The following NDST3 variants were observed in gnomAD, a reference collection of about 807,000 sequenced individuals.
The protein encoded by NDST3 is bifunctional heparan sulfate N-deacetylase/N-sulfotransferase 3.
NDST3 carries 58 observed loss-of-function variants against 96.1 expected under a neutral mutation model. The observed-to-expected ratio is 0.60, with a 90% CI of 0.49 to 0.75. The LOEUF is 0.75. Ranked by LOEUF, NDST3 falls within the 30% of genes least tolerant of loss-of-function variation. NDST3 has a pLI of 0.00. For missense variants in NDST3, 788 were observed against 1,034.2 expected (o/e 0.76, Z 3.27); for synonymous variants, 333 against 359.7 (o/e 0.93, Z 0.84).
At chr4:118,071,860 T>G (rs1238813576) in intron 2 of NDST3, among the ~76,000 whole-genome samples, 1 of 152,168 alleles carries the variant, frequency 6.6e-6, no homozygotes, top group Non-Finnish European at 1.5e-5. Context: ...CTGAACTAAT[T>G]CACATTCCCA....
At chr4:118,092,960 G>A (rs1452544309) in intron 2 of NDST3, among the ~76,000 whole-genome samples, 1 of 151,734 alleles carries the variant, frequency 6.6e-6, no homozygotes, top group Non-Finnish European at 1.5e-5. Context: ...GGTAATATTT[G>A]AGCAGAGACA....
chr4:118,050,698 A>G (rs1725027245), intron 1 of NDST3, among the ~76,000 whole-genome samples: 1 of 152,060 alleles, frequency 6.6e-6, no homozygotes, highest in Admixed American at 6.6e-5. Context: ...AGGAGAACTA[A>G]AAAACACTGA....
chr4:118,241,990 AC>A, intron 11 of NDST3, 49 bp from the exon 12 acceptor site: 1 of 1,329,358 alleles, frequency 7.5e-7, no homozygotes, highest in Non-Finnish European at 1.1e-6. Context: ...TTTTCATTAT[AC>A]AGTTTACATG....
At position 118,224,687 on chromosome 4, in the gene NDST3, A is replaced by C. The variant is rs1247429416; in HGVS notation, c.1722+14A>C. 6.4e-7 allele frequency: 1 copy of C among 1,562,388 alleles called. No individual in the cohort carries two copies. The highest frequency in any genetic ancestry group is 8.7e-7 in the Non-Finnish European group (1 of 1,152,526). On this transcript the variant is annotated intron_variant, in intron 7 of 13. Transcript: ENST00000296499. ...CCTCTCTGGCAGGTAAAATTAATTA[A>C]ATAATTGATATAACCAGTTAATTCC...
chr4:118,209,924 CTTTT>C (rs1041678646), intron 6 of NDST3, among the ~76,000 whole-genome samples: 2 of 152,118 alleles, frequency 1.3e-5, no homozygotes, highest in Non-Finnish European at 2.9e-5. Flanking sequence ...AAGGTGACAT[CTTTT>C]GTCTCCCCCT....
chr4:118,172,384 C>T (rs974324169), intron 6 of NDST3, among the ~76,000 whole-genome samples: 2 of 151,664 alleles, frequency 1.3e-5, no homozygotes, highest in Non-Finnish European at 2.9e-5. Flanking sequence ...ATTGTAATGG[C>T]GACAGAAAAT....
rs772759877 is a variant in NDST3 at position 118,054,906 on chromosome 4, T to C, written c.981+15T>C. The C allele has an allele frequency of 2.5e-6, 4 of 1,604,954 alleles. No homozygotes were observed. Among genetic ancestry groups the C allele is most frequent in the African/African-American group, 1.3e-5 (1 of 74,958 alleles). ...ATGATGTAAAGGTAAGGCTCTATTT[T>C]CTCAAGTTTCAAAGTTCAGTTCATC... is the stretch of plus-strand genomic sequence containing the variant. On this transcript the variant is annotated intron_variant, in intron 2 of 13. Coordinates refer to ENST00000296499, the MANE Select transcript of NDST3 (RefSeq NM_004784.3).
intron 1 of NDST3, among the ~76,000 whole-genome samples, chr4:118,050,085 A>T (rs1007017046): frequency 6.6e-6 from 1 of 152,214 alleles, no homozygotes; most frequent in Non-Finnish European, 1.5e-5. Context: ...CAACATATGC[A>T]AATCAATAAA....
chr4:118,203,329 G>T (rs541662359), intron 6 of NDST3, among the ~76,000 whole-genome samples: 2 of 152,194 alleles, frequency 1.3e-5, no homozygotes, highest in African/African-American at 4.8e-5. Context: ...TGGCTTCATA[G>T]AATATATTAG....
At chr4:118,041,162 T>A (rs1724442932) in intron 1 of NDST3, among the ~76,000 whole-genome samples, 1 of 152,104 alleles carries the variant, frequency 6.6e-6, no homozygotes, top group Non-Finnish European at 1.5e-5. Context: ...CATTTCCTAC[T>A]TGTTCCTAGC....
intron 2 of NDST3, among the ~76,000 whole-genome samples, chr4:118,072,140 T>C (rs955042556): frequency 2.0e-5 from 3 of 152,126 alleles, no homozygotes; most frequent in Non-Finnish European, 2.9e-5. Context: ...AGCCTTTTAG[T>C]ATTGTTTGAA....
chr4:118,106,234 C>A lies in NDST3; in HGVS notation c.1069+1129C>A, dbSNP rs534013278. On this transcript the variant is annotated intron_variant, in intron 3 of 13. Coordinates refer to ENST00000296499, the MANE Select transcript of NDST3 (RefSeq NM_004784.3). ...GGCTGTCTCTTAATTTTCCTTATGG[C>A]GTTTTTAATGAACAAAAATACTTAA... Among the ~76,000 whole-genome samples, 9 of 152,236 alleles carry A rather than the reference C, an allele frequency of 5.9e-5. No homozygotes were observed. The East Asian group carries it at 1.7e-3, about 29-fold the overall frequency.
chr4:118,111,469 C>T (rs1214017206), intron 3 of NDST3, among the ~76,000 whole-genome samples: 1 of 152,000 alleles, frequency 6.6e-6, no homozygotes, highest in Non-Finnish European at 1.5e-5. Context: ...GGGCAAGAGG[C>T]CACGACAGTC....
intron 6 of NDST3, among the ~76,000 whole-genome samples, chr4:118,146,470 T>C (rs1054520669): frequency 1.3e-5 from 2 of 152,162 alleles, no homozygotes; most frequent in African/African-American, 4.8e-5. Context: ...ATCAAGGTGC[T>C]ATACTAACTT....
At chr4:118,250,215 G>A (rs879642497) in intron 12 of NDST3, among the ~76,000 whole-genome samples, 3 of 152,158 alleles carry the variant, frequency 2.0e-5, no homozygotes, top group Non-Finnish European at 4.4e-5. Context: ...ACCTAGAAAT[G>A]GGGTTGGTGG....
chr4:118,051,114 A>G (rs1394346909), intron 1 of NDST3, among the ~76,000 whole-genome samples: 1 of 152,142 alleles, frequency 6.6e-6, no homozygotes, highest in Non-Finnish European at 1.5e-5. Context: ...AAAGCAAGCA[A>G]TAGGTAAAGC....
At chr4:118,148,374 C>A (rs192612779) in intron 6 of NDST3, among the ~76,000 whole-genome samples, 61 of 152,256 alleles carry the variant, frequency 4.0e-4, no homozygotes, top group Middle Eastern at 3.4e-3. Flanking sequence ...CAATATTGTG[C>A]CTCCTTCATC....
chr4:118,213,075 C>A (rs894744176), intron 6 of NDST3, among the ~76,000 whole-genome samples: 1 of 152,142 alleles, frequency 6.6e-6, no homozygotes, highest in Non-Finnish European at 1.5e-5. Flanking sequence ...TTTTCATCTG[C>A]AGTTCATTAT....
At chr4:118,074,977 G>A (rs1246046977) in intron 2 of NDST3, among the ~76,000 whole-genome samples, 1 of 152,050 alleles carries the variant, frequency 6.6e-6, no homozygotes, top group Non-Finnish European at 1.5e-5. Flanking sequence ...ATCTATACCT[G>A]TGCCATGTTG....
Sources: allele counts gnomAD v4.1 joint callset (sites outside exome capture counted in the v4.1 genomes callset), GRCh38; gene constraint gnomAD v4.1.1; transcripts MANE v1.5; gene names NCBI Gene and HGNC (gene_info 2026-07-23, HGNC 2026-07-21).